TMEM117: variants seen among roughly 807,000 people sequenced by gnomAD.
TMEM117 encodes the protein transmembrane protein 117.
Under a neutral mutation model 52.4 loss-of-function variants are expected in TMEM117, and 27 were observed. That is an observed-to-expected ratio of 0.51 (90% CI 0.38 to 0.71). The LOEUF (loss-of-function observed/expected upper bound fraction) is 0.71. TMEM117 is among the 30% of genes least tolerant of loss of function. TMEM117 has a pLI of 0.00. For missense variants in TMEM117, 556 were observed against 630.5 expected (o/e 0.88, Z 1.26); for synonymous variants, 215 against 206.3 (o/e 1.04, Z -0.36).
At chr12:44,009,974 G>GT in intron 3 of TMEM117, 1 of 287,686 alleles carries the variant, frequency 3.5e-6, no homozygotes, top group Non-Finnish European at 7.1e-6. Context: ...TTGCTTCATC[G>GT]TATCAGAAGG....
intron 6 of TMEM117, among the ~76,000 whole-genome samples, chr12:44,360,403 C>A (rs953233129): frequency 6.6e-6 from 1 of 151,810 alleles, no homozygotes; most frequent in African/African-American, 2.4e-5. Context: ...AGTGAAGCCC[C>A]ATCTCTGCTA....
At position 43,912,507 on chromosome 12, in the gene TMEM117, T is replaced by TTTTATATATATATATATATATATATA. The variant is rs1209075111; in HGVS notation, c.278-31702_278-31701insTTATATATATATATATATATATATAT. Among the ~76,000 whole-genome samples, 7 of 132,098 alleles carry TTTTATATATATATATATATATATATA rather than the reference T, an allele frequency of 5.3e-5. No homozygotes were observed. The East Asian group carries it at 8.1e-4, about 15-fold the overall frequency. The allele number at this position is 132,098 out of a possible 152,430, so 86.7% of individuals were successfully genotyped here. ...AAACTTAAAGTATAATAATAATAAT[T>TTTTATATATATATATATATATATATA]TATATATATATATATATATATATAT... On this transcript the variant is annotated intron_variant, in intron 2 of 7. Coordinates refer to ENST00000266534, the MANE Select transcript of TMEM117 (RefSeq NM_032256.3).
chr12:44,342,216 T>C (rs1951427059), intron 6 of TMEM117, among the ~76,000 whole-genome samples: 1 of 152,166 alleles, frequency 6.6e-6, no homozygotes, highest in Admixed American at 6.6e-5. Context: ...GAATCACTTT[T>C]ATTACCTTTT....
At chr12:43,953,367 A>C (rs1945255526) in intron 3 of TMEM117, among the ~76,000 whole-genome samples, 1 of 152,152 alleles carries the variant, frequency 6.6e-6, no homozygotes, top group African/African-American at 2.4e-5. Context: ...AGCTGGATAC[A>C]AAGACAAGAC....
At chr12:44,188,228 A>T in intron 4 of TMEM117, among the ~76,000 whole-genome samples, 1 of 152,070 alleles carries the variant, frequency 6.6e-6, no homozygotes, top group East Asian at 1.9e-4. Flanking sequence ...TCTTTCAATG[A>T]CTTTGATCAT....
intron 7 of TMEM117, among the ~76,000 whole-genome samples, chr12:44,379,371 A>G (rs1191900543): frequency 6.6e-6 from 1 of 152,094 alleles, no homozygotes; most frequent in African/African-American, 2.4e-5. Context: ...ATAAGCTAAA[A>G]TAGGGTAGGT....
the TMEM117 span, among the ~76,000 whole-genome samples, chr12:43,829,545 G>A: frequency 6.6e-6 from 1 of 152,134 alleles, no homozygotes; most frequent in African/African-American, 2.4e-5. Flanking sequence ...CTTCTACCTT[G>A]GGTTAGGTCT....
At chr12:43,942,616 C>T (rs776988083) in intron 2 of TMEM117, among the ~76,000 whole-genome samples, 1 of 151,866 alleles carries the variant, frequency 6.6e-6, no homozygotes, top group African/African-American at 2.4e-5. Context: ...ATCTCCTCCC[C>T]GCTCTTTTTT....
chr12:44,182,639 A>G lies in TMEM117; in HGVS notation c.511-28651A>G, dbSNP rs73290266. Among the ~76,000 whole-genome samples the G allele has an allele frequency of 5.1e-3, 774 of 152,294 alleles. 6 individuals are homozygous for G. The highest frequency in any genetic ancestry group is 0.018 in the African/African-American group (733 of 41,552). On this transcript the variant is annotated intron_variant, in intron 4 of 7. Coordinates refer to ENST00000266534, the MANE Select transcript of TMEM117 (RefSeq NM_032256.3). The stretch of plus-strand genomic sequence containing the variant: ...GACATCTTATCATGTCTCTCTACAT[A>G]CTTAAAGGTTTTCAGCCATTGTAGA...
rs1947655828 is a variant in TMEM117 at position 44,090,839 on chromosome 12, G to GTGTTT, written c.411-52685_411-52684insGTTTT. 6.7e-5 allele frequency among the ~76,000 whole-genome samples: 7 copies of GTGTTT among 104,800 alleles called. No individual in the cohort carries two copies. The South Asian group carries it at 2.0e-3, about 30-fold the overall frequency. 68.8% of individuals were successfully genotyped at this position (104,800 alleles called of 152,430 possible). Reference sequence around the variant, plus strand: ...CTAATTCTTAATCCTGTATTTATGTGTTTTTTTTTGTTTTTTTTTTTTTTT... The same window carrying GTGTTT: ...CTAATTCTTAATCCTGTATTTATGTGTGTTTTTTTTTTTTGTTTTTTTTTTTTTTT... On this transcript the variant is annotated intron_variant, in intron 3 of 7. Transcript: ENST00000266534.
intron 3 of TMEM117, among the ~76,000 whole-genome samples, chr12:44,072,809 C>T (rs944741283): frequency 6.6e-6 from 1 of 152,072 alleles, no homozygotes; most frequent in African/African-American, 2.4e-5. Context: ...ACCACATTGT[C>T]GGCCAGGCAC....
intron 7 of TMEM117, among the ~76,000 whole-genome samples, chr12:44,383,332 A>G (rs192242423): frequency 2.3e-3 from 335 of 147,298 alleles, no homozygotes; most frequent in Non-Finnish European, 1.2e-3. Flanking sequence ...TTTCCCTCAA[A>G]TTGTTGTCAT....
At chr12:44,081,511 C>T (rs1231002638) in intron 3 of TMEM117, among the ~76,000 whole-genome samples, 2 of 152,086 alleles carry the variant, frequency 1.3e-5, no homozygotes, top group Non-Finnish European at 2.9e-5. Context: ...CGTCTGTGTT[C>T]TGTGATCATC....
At chr12:44,307,807 G>A (rs948410908) in intron 6 of TMEM117, among the ~76,000 whole-genome samples, 2 of 152,246 alleles carry the variant, frequency 1.3e-5, no homozygotes, top group Admixed American at 6.5e-5. Context: ...AAGTGCCAAG[G>A]AGGATGTCCT....
intron 3 of TMEM117, among the ~76,000 whole-genome samples, chr12:44,022,998 C>T (rs1370075695): frequency 5.3e-5 from 8 of 152,162 alleles, no homozygotes; most frequent in South Asian, 2.1e-4. Context: ...AACATGATGC[C>T]GAGTGCTTTT....
At chr12:43,804,463 G>T in the TMEM117 span, 1 of 1,378,710 alleles carries the variant, frequency 7.3e-7, no homozygotes, top group South Asian at 1.2e-5. Flanking sequence ...ACTAATCCAG[G>T]AACAGAAAAT....
At chr12:43,865,142 C>T (rs970771908) in intron 2 of TMEM117, among the ~76,000 whole-genome samples, 9 of 152,148 alleles carry the variant, frequency 5.9e-5, no homozygotes, top group African/African-American at 1.9e-4. Context: ...CTGCGAGGGT[C>T]CGCGGCTTCA....
At chr12:44,229,077 G>A (rs1949901264) in intron 5 of TMEM117, among the ~76,000 whole-genome samples, 1 of 152,020 alleles carries the variant, frequency 6.6e-6, no homozygotes, top group Non-Finnish European at 1.5e-5. Flanking sequence ...ATAGACATGA[G>A]GAGGAATGGA....
At chr12:43,976,454 G>A (rs548600235) in intron 3 of TMEM117, among the ~76,000 whole-genome samples, 1 of 152,142 alleles carries the variant, frequency 6.6e-6, no homozygotes, top group African/African-American at 2.4e-5. Flanking sequence ...AATGACAAAG[G>A]CTTGGAGCAA....
Sources: gnomAD v4.1 joint callset for allele counts (sites outside exome capture counted in the v4.1 genomes callset) on GRCh38, gnomAD v4.1.1 for gene constraint, MANE v1.5 for transcripts, NCBI Gene and HGNC (gene_info 2026-07-23, HGNC 2026-07-21) for gene names.